The following ANKH variants were observed in gnomAD, a reference collection of about 807,000 sequenced individuals.
The protein encoded by ANKH is ANKH inorganic pyrophosphate transport regulator.
Under a neutral mutation model 49.0 loss-of-function variants are expected in ANKH, and 15 were observed. That is an observed-to-expected ratio of 0.31 (90% confidence interval 0.20 to 0.47). The LOEUF is 0.47. Among genes scored for constraint, ANKH ranks in the 20% least tolerant of loss-of-function variants. The pLI is 1.00. For synonymous variants in ANKH, 273 were observed against 260.0 expected (o/e 1.05, Z -0.48); for missense variants, 429 against 652.0 (o/e 0.66, Z 3.72).
At chr5:14,824,988 C>T (rs757327985) in intron 1 of ANKH, among the ~76,000 whole-genome samples, 3 of 152,206 alleles carry the variant, frequency 2.0e-5, no homozygotes, top group African/African-American at 7.2e-5. Flanking sequence ...TAGCAACAGA[C>T]AGACGGATGG....
intron 1 of ANKH, among the ~76,000 whole-genome samples, chr5:14,842,587 TG>T (rs1741844197): frequency 1.3e-5 from 2 of 152,126 alleles, no homozygotes; most frequent in Non-Finnish European, 2.9e-5. Context: ...GCATAAGACC[TG>T]GGAAAACTAA....
intron 1 of ANKH, among the ~76,000 whole-genome samples, chr5:14,779,508 T>C (rs1195614930): frequency 6.6e-6 from 1 of 152,218 alleles, no homozygotes; most frequent in Non-Finnish European, 1.5e-5. Context: ...CACCAGTCTG[T>C]TACCTCCTTG....
chr5:14,866,329 G>A (rs1735645500), intron 1 of ANKH, among the ~76,000 whole-genome samples: 1 of 152,210 alleles, frequency 6.6e-6, no homozygotes, highest in African/African-American at 2.4e-5. Context: ...GAGCATGAAA[G>A]AGTAGATCAC....
intron 7 of ANKH, among the ~76,000 whole-genome samples, chr5:14,742,962 G>A (rs180877024): frequency 6.6e-6 from 1 of 152,228 alleles, no homozygotes; most frequent in East Asian, 1.9e-4. Context: ...TCCCAGAGTC[G>A]ACTCACAAAA....
intron 8 of ANKH, among the ~76,000 whole-genome samples, chr5:14,731,126 C>T (rs927379331): frequency 2.0e-5 from 3 of 152,166 alleles, no homozygotes; most frequent in Non-Finnish European, 4.4e-5. Flanking sequence ...CCGGGGGCAG[C>T]GGCCAGTGGT....
chr5:14,723,515 C>A (rs1044459722), intron 8 of ANKH, among the ~76,000 whole-genome samples: 1 of 152,010 alleles, frequency 6.6e-6, no homozygotes, highest in African/African-American at 2.4e-5. Flanking sequence ...GTAGCATACC[C>A]TTAATCCCAG....
intron 8 of ANKH, among the ~76,000 whole-genome samples, chr5:14,736,007 T>TTA (rs1491186778): frequency 3.6e-5 from 2 of 55,322 alleles, no homozygotes; most frequent in African/African-American, 2.8e-4. Flanking sequence ...AAAACCTAAC[T>TTA]TTTTTTTTTT....
At position 14,705,755 on chromosome 5, in the gene ANKH, T is replaced by C. The variant is rs2126372858; in HGVS notation, c.*5442A>G. 1 of 152,956 alleles carries C rather than the reference T, an allele frequency of 6.5e-6. No individual in the cohort carries two copies. Among genetic ancestry groups the C allele is most frequent in the South Asian group, 2.1e-4 (1 of 4,828 alleles). The allele number at this position is 152,956 out of a possible 1,614,324, so 9.5% of individuals were successfully genotyped here. ...TGCTGCACGGTGACATGACCATCGC[T>C]GTGGGGTGCTGGGTGATTGGTGTTG... On this transcript the variant is annotated 3_prime_UTR_variant, in exon 12 of 12. Transcript: ENST00000284268.
intron 1 of ANKH, among the ~76,000 whole-genome samples, chr5:14,847,913 T>C (rs1613392): frequency 0.62 from 94,578 of 152,100 alleles, 29,868 homozygotes; most frequent in East Asian, 0.84. Context: ...GAAGCTGAGG[T>C]GGGCGGATAA....
chr5:14,779,449 G>A lies in ANKH; in HGVS notation c.97-10258C>T, dbSNP rs141044828. ...TGTGCAGATCCGAGACTCTGTTATC[G>A]CCCTCGTCAAGGTGTACAGCAGTTA... On this transcript the variant is annotated intron_variant, in intron 1 of 11. Transcript: ENST00000284268. Among the ~76,000 whole-genome samples, 6 of 152,124 alleles carry A rather than the reference G, an allele frequency of 3.9e-5. No individual in the cohort carries two copies. In the South Asian group the frequency reaches 6.2e-4, roughly 16 times the overall value.
At chr5:14,716,611 T>G in intron 9 of ANKH, 95 bp downstream of exon 9, 1 of 1,548,478 alleles carries the variant, frequency 6.5e-7, no homozygotes. Context: ...AATTTTACAT[T>G]TGTGTTGGTG....
intron 1 of ANKH, among the ~76,000 whole-genome samples, chr5:14,771,941 AAAAAAAC>A (rs1561048150): frequency 6.0e-5 from 9 of 150,412 alleles, no homozygotes; most frequent in Non-Finnish European, 8.9e-5. Flanking sequence ...AAAAAAAAAA[AAAAAAAC>A]CAAAACAAAA....
intron 1 of ANKH, among the ~76,000 whole-genome samples, chr5:14,796,475 A>G (rs1446526933): frequency 6.4e-5 from 6 of 93,654 alleles, no homozygotes; most frequent in African/African-American, 2.5e-4. Context: ...ACACACACCA[A>G]CAAAAAAAAA....
chr5:14,837,532 A>T (rs564335464), intron 1 of ANKH, among the ~76,000 whole-genome samples: 4 of 152,258 alleles, frequency 2.6e-5, no homozygotes, highest in African/African-American at 9.6e-5. Context: ...AATGCTCATC[A>T]TCACTGGCCA....
At chr5:14,728,790 T>G (rs1247497552) in intron 8 of ANKH, among the ~76,000 whole-genome samples, 5 of 152,200 alleles carry the variant, frequency 3.3e-5, no homozygotes, top group Non-Finnish European at 1.5e-5. Context: ...AAGCTCAGAT[T>G]CTGCTACCTT....
chr5:14,844,105 C>CT (rs1156800204), intron 1 of ANKH, among the ~76,000 whole-genome samples: 1 of 152,196 alleles, frequency 6.6e-6, no homozygotes, highest in African/African-American at 2.4e-5. Context: ...ACTTCATTCT[C>CT]TGAGTGGCAG....
chr5:14,736,737 T>G (rs1207221006), intron 8 of ANKH, among the ~76,000 whole-genome samples: 1 of 152,240 alleles, frequency 6.6e-6, no homozygotes, highest in Non-Finnish European at 1.5e-5. Context: ...GAATGTGGCA[T>G]CCCAGGGGTG....
At chr5:14,800,328 T>C (rs1288326079) in intron 1 of ANKH, among the ~76,000 whole-genome samples, 1 of 152,250 alleles carries the variant, frequency 6.6e-6, no homozygotes, top group Non-Finnish European at 1.5e-5. Context: ...ATAAGCTTAG[T>C]GGATAAAGCA....
At chr5:14,863,593 G>T (rs1339752881) in intron 1 of ANKH, among the ~76,000 whole-genome samples, 1 of 152,188 alleles carries the variant, frequency 6.6e-6, no homozygotes, top group African/African-American at 2.4e-5. Flanking sequence ...TAAGGCTGTA[G>T]AAAACTAGAT....
Sources: allele counts gnomAD v4.1 joint callset (sites outside exome capture counted in the v4.1 genomes callset), GRCh38; gene constraint gnomAD v4.1.1; transcripts MANE v1.5; gene names NCBI Gene and HGNC (gene_info 2026-07-23, HGNC 2026-07-21).